ZFP62: variants seen among roughly 807,000 people sequenced by gnomAD.
ZFP62 encodes the protein zinc finger protein 62 homolog.
Under a neutral mutation model 56.4 loss-of-function variants are expected in ZFP62, and 44 were observed. The ratio of observed to expected loss-of-function variants is 0.78; its 90% confidence interval spans 0.61 to 1.00. The LOEUF (loss-of-function observed/expected upper bound fraction) is 1.00, where lower values mean the gene tolerates loss of function less well. Among genes scored for constraint, ZFP62 ranks in the 50% least tolerant of loss-of-function variants. ZFP62 has a pLI of 0.00. For synonymous variants in ZFP62, 421 were observed against 388.9 expected, an observed-to-expected ratio of 1.08 and a Z score of -0.97; for missense variants, 1,030 against 1,085.7, an observed-to-expected ratio of 0.95 and a Z score of 0.72.
chr5:180,831,519 C>G, the ZFP62 span: 5 of 152,308 alleles, frequency 3.3e-5, no homozygotes, highest in African/African-American at 7.2e-5. Context: ...TGAAGGGACT[C>G]TCCGGCCTCA....
At chr5:180,857,292 G>A (rs1373815057) in intron 1 of ZFP62, among the ~76,000 whole-genome samples, 1 of 151,274 alleles carries the variant, frequency 6.6e-6, no homozygotes, top group Non-Finnish European at 1.5e-5. Flanking sequence ...ATATATTTTA[G>A]GCTTTGTGGG....
chr5:180,841,182 G>C, the ZFP62 span, among the ~76,000 whole-genome samples: 3 of 151,996 alleles, frequency 2.0e-5, no homozygotes, highest in African/African-American at 7.2e-5. Flanking sequence ...GAAAGAAAAT[G>C]AACTTGCTGG....
the ZFP62 span, among the ~76,000 whole-genome samples, chr5:180,833,816 A>G: frequency 6.6e-6 from 1 of 151,758 alleles, no homozygotes; most frequent in Non-Finnish European, 1.5e-5. Context: ...GATTACAGGT[A>G]TGCGCCACCA....
In ZFP62 at chr5:180,848,827, C is replaced by A; in HGVS notation, c.2668G>T (p.Ala890Ser). Residue 890 changes from alanine to serine, a missense_variant, in exon 2 of 2, where the codon GCC (alanine) becomes TCC (serine). By Grantham distance (99) the Ala-to-Ser change is moderately conservative. Coordinates refer to ENST00000502412, the MANE Select transcript of ZFP62 (RefSeq NM_001172638.2). ...ATCCTCATCCTGCCCCCATCCAGGG[C>A]ATTCCCTCCCTCATAGGTTCTCTTC... is the stretch of plus-strand genomic sequence containing the variant. ...SQKRTYEGGN[A>S]LDGGRMRMPL 2 of 1,543,954 alleles carry A rather than the reference C, an allele frequency of 1.3e-6. No homozygotes were observed. Among genetic ancestry groups the A allele is most frequent in the Non-Finnish European group, 1.8e-6 (2 of 1,140,992 alleles).
chr5:180,855,815 C>T (rs1036526625), intron 1 of ZFP62, among the ~76,000 whole-genome samples: 3 of 152,296 alleles, frequency 2.0e-5, no homozygotes, highest in South Asian at 2.1e-4. Flanking sequence ...TGACTGCCAT[C>T]GTTTCTAGAC....
chr5:180,830,570 T>C, the ZFP62 span: 8 of 152,296 alleles, frequency 5.3e-5, no homozygotes, highest in Admixed American at 5.2e-4. Context: ...GTCATCATTC[T>C]CATTTACTCG....
chr5:180,851,896 T>G (rs145243453), intron 1 of ZFP62: 73 of 403,534 alleles, frequency 1.8e-4, no homozygotes, highest in African/African-American at 1.6e-3. Context: ...AATTCATAAG[T>G]AGGACAAAAG....
chr5:180,837,633 C>T, the ZFP62 span, among the ~76,000 whole-genome samples: 8 of 152,234 alleles, frequency 5.3e-5, no homozygotes, highest in African/African-American at 7.2e-5. Flanking sequence ...TATGTTAATT[C>T]GGAGGCTCTG....
At chr5:180,857,585 C>T (rs1378523796) in intron 1 of ZFP62, among the ~76,000 whole-genome samples, 1 of 152,208 alleles carries the variant, frequency 6.6e-6, no homozygotes, top group East Asian at 1.9e-4. Context: ...GCAGCCTCCA[C>T]CACCCAGGTT....
At chr5:180,857,008 G>T (rs368963714) in intron 1 of ZFP62, among the ~76,000 whole-genome samples, 1 of 151,160 alleles carries the variant, frequency 6.6e-6, no homozygotes, top group Non-Finnish European at 1.5e-5. Flanking sequence ...GGTGGGAAAG[G>T]GGGGATGGAC....
intron 1 of ZFP62, among the ~76,000 whole-genome samples, chr5:180,856,210 C>T (rs149364249): frequency 1.1e-3 from 160 of 152,298 alleles, no homozygotes; most frequent in African/African-American, 3.8e-3. Context: ...TGGGTTGGGG[C>T]GCATGATGTC....
chr5:180,846,068 T>G (rs1021413811), downstream of ZFP62, among the ~76,000 whole-genome samples: 1 of 152,130 alleles, frequency 6.6e-6, no homozygotes, highest in African/African-American at 2.4e-5. Flanking sequence ...CCGGGGGTGG[T>G]GCCTAAACCA....
rs1377785874 is a variant in ZFP62 at position 180,849,346 on chromosome 5, TAA to T, written c.2147_2148del (p.Leu716HisfsTer4). On this transcript the variant is annotated frameshift_variant, in exon 2 of 2. Transcript: ENST00000502412. LOFTEE classifies it high-confidence loss of function. ...CCAAGATGGACTCTTTTATGGCTTA[TAA>T]GAGTTCTGCTTGAGAAAAAAGCTTT... ...CGKAFFSSRT[L>X]ISHKRVHLGE... The T allele has an allele frequency of 3.9e-6, 6 of 1,551,970 alleles. No homozygotes were observed. Among genetic ancestry groups the T allele is most frequent in the Non-Finnish European group, 5.2e-6 (6 of 1,147,064 alleles).
At chr5:180,846,901 G>A (rs1773424927), downstream of ZFP62, among the ~76,000 whole-genome samples, 1 of 152,184 alleles carries the variant, frequency 6.6e-6, no homozygotes, top group African/African-American at 2.4e-5. Context: ...CCAGTGTCAT[G>A]TGCAAAGGAG....
At position 180,848,613 on chromosome 5, in the gene ZFP62, T is replaced by C; in HGVS notation, c.*179A>G. The C allele has an allele frequency of 7.3e-7, 1 of 1,360,992 alleles. No homozygotes were observed. The highest frequency in any genetic ancestry group is 9.4e-7 in the Non-Finnish European group (1 of 1,059,696). The allele number at this position is 1,360,992 out of a possible 1,614,324, so 84.3% of individuals were successfully genotyped here. A position where few individuals can be genotyped will look rare whatever the true frequency, so the allele number is the denominator to read the frequency against. On this transcript the variant is annotated 3_prime_UTR_variant, in exon 2 of 2. Transcript: ENST00000502412. ...TATATCCTGTAAGAGCTGAACTACC[T>C]TGACACTGGAGCCTTTCTTGCTTGC...
intron 1 of ZFP62, among the ~76,000 whole-genome samples, chr5:180,854,794 T>G (rs1247024427): frequency 1.3e-5 from 2 of 152,248 alleles, no homozygotes; most frequent in African/African-American, 4.8e-5. Flanking sequence ...GAGGGGGGAC[T>G]GTATTTTTCA....
intron 1 of ZFP62, among the ~76,000 whole-genome samples, chr5:180,857,954 A>C (rs983521923): frequency 6.6e-6 from 1 of 152,060 alleles, no homozygotes; most frequent in Admixed American, 6.5e-5. Context: ...ATGGAAGTTC[A>C]TAAGAAAAAA....
chr5:180,837,246 C>T, the ZFP62 span, among the ~76,000 whole-genome samples: 2 of 152,386 alleles, frequency 1.3e-5, no homozygotes, highest in Non-Finnish European at 2.9e-5. Context: ...ACAGCAGTGA[C>T]TCTACCTGCG....
chr5:180,851,391 G>C lies in ZFP62; in HGVS notation c.104C>G (p.Pro35Arg). The C allele has an allele frequency of 6.4e-7, 1 of 1,551,600 alleles. No individual in the cohort carries two copies. The highest frequency in any genetic ancestry group is 8.7e-7 in the Non-Finnish European group (1 of 1,146,984). ...SKWPKVEDPM[P>R]ESKVGDTCVW... ...ACATGTGTCACCAACCTTAGATTCA[G>C]GCATAGGATCCTCCACTTTTGGCCA... The change falls in exon 2 of 2, where the codon CCT becomes CGT. Residue 35 changes from proline to arginine, a missense_variant. Coordinates refer to ENST00000502412, the MANE Select transcript of ZFP62 (RefSeq NM_001172638.2).
Sources: gnomAD v4.1 joint callset for allele counts (sites outside exome capture counted in the v4.1 genomes callset) on GRCh38, gnomAD v4.1.1 for gene constraint, MANE v1.5 for transcripts, NCBI Gene and HGNC (gene_info 2026-07-23, HGNC 2026-07-21) for gene names.